The following PALS2 variants were observed in gnomAD, a reference collection of about 807,000 sequenced individuals.
The protein encoded by PALS2 is protein PALS2.
Under a neutral mutation model 61.6 loss-of-function variants are expected in PALS2, and 27 were observed. The observed-to-expected ratio is 0.44, with a 90% CI of 0.32 to 0.60. The LOEUF (loss-of-function observed/expected upper bound fraction) is 0.60, where lower values mean the gene tolerates loss of function less well. Among genes scored for constraint, PALS2 ranks in the 20% least tolerant of loss-of-function variants. The pLI is 0.05. For missense variants in PALS2, 554 were observed against 639.4 expected (o/e 0.87, Z 1.44); for synonymous variants, 236 against 218.6 (o/e 1.08, Z -0.70).
chr7:24,665,029 C>T (rs1037272836), intron 6 of PALS2, among the ~76,000 whole-genome samples: 34 of 152,240 alleles, frequency 2.2e-4, no homozygotes, highest in African/African-American at 7.9e-4. Context: ...TCTCCAGCCA[C>T]TATTTTAAAA....
At chr7:24,608,005 A>C (rs1046879587) in intron 1 of PALS2, among the ~76,000 whole-genome samples, 5 of 152,172 alleles carry the variant, frequency 3.3e-5, no homozygotes, top group Non-Finnish European at 7.4e-5. Flanking sequence ...TAAATATTTC[A>C]ATGTAATTAG....
At chr7:24,602,076 A>G (rs1451748331) in intron 1 of PALS2, among the ~76,000 whole-genome samples, 5 of 151,592 alleles carry the variant, frequency 3.3e-5, no homozygotes, top group Non-Finnish European at 5.9e-5. Context: ...CAGGTTCTCT[A>G]ATTTTCTTCT....
intron 2 of PALS2, among the ~76,000 whole-genome samples, chr7:24,634,747 A>G (rs1785160681): frequency 6.6e-6 from 1 of 152,092 alleles, no homozygotes; most frequent in African/African-American, 2.4e-5. Flanking sequence ...TTAGGCACCA[A>G]CTTCTGTCTT....
At chr7:24,633,718 G>A (rs1236322731) in intron 2 of PALS2, among the ~76,000 whole-genome samples, 2 of 151,976 alleles carry the variant, frequency 1.3e-5, no homozygotes, top group African/African-American at 4.8e-5. Flanking sequence ...AACATTCTTG[G>A]ACACACTTTT....
intron 1 of PALS2, among the ~76,000 whole-genome samples, chr7:24,606,230 G>A (rs1783893512): frequency 1.3e-5 from 2 of 152,064 alleles, no homozygotes; most frequent in East Asian, 1.9e-4. Context: ...TCTTTAAATC[G>A]TCATCTTATG....
chr7:24,667,725 C>T (rs1040633847), intron 8 of PALS2, among the ~76,000 whole-genome samples: 3 of 130,928 alleles, frequency 2.3e-5, no homozygotes, highest in Admixed American at 9.8e-5. Flanking sequence ...AGTGCAGTGG[C>T]GCAATCTCGT....
chr7:24,605,136 T>A (rs1783851849), intron 1 of PALS2, among the ~76,000 whole-genome samples: 2 of 152,210 alleles, frequency 1.3e-5, no homozygotes, highest in South Asian at 4.1e-4. Context: ...TATCAGAAAT[T>A]GAGTAATGTT....
intron 5 of PALS2, among the ~76,000 whole-genome samples, chr7:24,659,373 G>C (rs151077051): frequency 0.069 from 10,528 of 152,226 alleles, 449 homozygotes; most frequent in African/African-American, 0.11. Context: ...CCAGTAATGG[G>C]ATTGCTGGGT....
intron 1 of PALS2, chr7:24,620,368 A>G (rs966477957): frequency 3.9e-5 from 6 of 152,244 alleles, no homozygotes; most frequent in Admixed American, 1.3e-4. Flanking sequence ...TATTTTGACT[A>G]TAAATCCACC....
chr7:24,596,544 A>C lies in PALS2; in HGVS notation c.-3+22951A>C, dbSNP rs1783530786. Among the ~76,000 whole-genome samples the C allele has an allele frequency of 6.6e-6, 1 of 152,170 alleles. No homozygotes were observed. The highest frequency in any genetic ancestry group is 2.4e-5 in the African/African-American group (1 of 41,450). On this transcript the variant is annotated intron_variant, in intron 1 of 11. Transcript: ENST00000222644. The surrounding 1 kb of genome is among the most constrained non-coding windows in gnomAD (Gnocchi z 4.5). ...TTTATTAGGTGTGTAAAACATTTTC[A>C]AACAATTTTGATTCATTATACTACA...
At chr7:24,610,442 A>C (rs1017289919) in intron 1 of PALS2, among the ~76,000 whole-genome samples, 2 of 152,178 alleles carry the variant, frequency 1.3e-5, no homozygotes, top group Non-Finnish European at 2.9e-5. Context: ...TTCAACATCT[A>C]ACCACGTGCA....
intron 11 of PALS2, among the ~76,000 whole-genome samples, chr7:24,684,390 ATTG>A (rs1047625100): frequency 3.3e-4 from 50 of 152,232 alleles, no homozygotes; most frequent in Admixed American, 2.9e-3. Flanking sequence ...TAATGTTTAA[ATTG>A]TTGTGTCTTC....
At chr7:24,578,034 C>A (rs995066570) in intron 1 of PALS2, among the ~76,000 whole-genome samples, 1 of 152,004 alleles carries the variant, frequency 6.6e-6, no homozygotes, top group African/African-American at 2.4e-5. Flanking sequence ...GCCTGGAACT[C>A]CTAGGCTCAA....
chr7:24,666,830 G>C (rs1330060389), intron 8 of PALS2: 2 of 152,100 alleles, frequency 1.3e-5, no homozygotes, highest in Non-Finnish European at 2.9e-5. Context: ...GGAAAGAAGG[G>C]AAAGAATGGA....
At chr7:24,666,696 C>T (rs1399384115) in intron 8 of PALS2, among the ~76,000 whole-genome samples, 2 of 152,138 alleles carry the variant, frequency 1.3e-5, no homozygotes, top group African/African-American at 4.8e-5. Flanking sequence ...AAGTTGTACA[C>T]TTTATATACA....
At chr7:24,604,564 A>T (rs1345671340) in intron 1 of PALS2, among the ~76,000 whole-genome samples, 1 of 152,198 alleles carries the variant, frequency 6.6e-6, no homozygotes, top group African/African-American at 2.4e-5. Context: ...GACAGAAAAA[A>T]ATATTTGAAG....
chr7:24,655,813 A>G (rs1053048189), intron 5 of PALS2, among the ~76,000 whole-genome samples: 2 of 151,974 alleles, frequency 1.3e-5, no homozygotes, highest in South Asian at 4.2e-4. Flanking sequence ...GGTGTGTGCC[A>G]CCATGCCTGG....
chr7:24,649,879 T>C (rs2128078083), intron 4 of PALS2, 115 bp downstream of exon 4: 1 of 1,016,506 alleles, frequency 9.8e-7, no homozygotes. Context: ...AACTGTATTC[T>C]TGTTTGGCCT....
intron 2 of PALS2, among the ~76,000 whole-genome samples, chr7:24,633,758 G>T (rs143222362): frequency 4.1e-4 from 62 of 152,182 alleles, no homozygotes; most frequent in African/African-American, 1.5e-3. Flanking sequence ...TTTCTCCTGT[G>T]TATATAAGTA....
Sources: gnomAD v4.1 joint callset for allele counts (sites outside exome capture counted in the v4.1 genomes callset) on GRCh38, gnomAD v4.1.1 for gene constraint, Gnocchi (gnomAD v3.1) non-coding constraint, MANE v1.5 for transcripts, NCBI Gene and HGNC (gene_info 2026-07-23, HGNC 2026-07-21) for gene names.